Variants in KCNMB2 observed in about 807,000 individuals in gnomAD.
KCNMB2 encodes the protein calcium-activated potassium channel subunit beta-2.
KCNMB2 carries 9 observed loss-of-function variants against 24.5 expected under a neutral mutation model. That is an observed-to-expected ratio of 0.37 (90% CI 0.22 to 0.64). The LOEUF (loss-of-function observed/expected upper bound fraction) is 0.64. Among genes scored for constraint, KCNMB2 ranks in the 30% least tolerant of loss-of-function variants. The probability of loss-of-function intolerance (pLI) is 0.63; values close to 1 mark genes in which losing one functional copy is unlikely to be tolerated. For missense variants in KCNMB2, 226 were observed against 284.3 expected, an observed-to-expected ratio of 0.79 and a Z score of 1.47; for synonymous variants, 109 against 104.4, an observed-to-expected ratio of 1.04 and a Z score of -0.27.
intron 1 of KCNMB2, among the ~76,000 whole-genome samples, chr3:178,689,320 C>T (rs902220460): frequency 1.3e-5 from 2 of 152,000 alleles, no homozygotes; most frequent in Non-Finnish European, 2.9e-5. Flanking sequence ...CAGCTAGAAC[C>T]GCCTTGCATT....
At chr3:178,754,191 C>CACACACAT (rs1418868783) in intron 1 of KCNMB2, among the ~76,000 whole-genome samples, 3 of 68,076 alleles carry the variant, frequency 4.4e-5, no homozygotes, top group Admixed American at 1.4e-4. Context: ...CACACACACA[C>CACACACAT]ATACATATAT....
chr3:178,578,892 C>G (rs1458361634), intron 1 of KCNMB2, among the ~76,000 whole-genome samples: 1 of 152,128 alleles, frequency 6.6e-6, no homozygotes, highest in African/African-American at 2.4e-5. Context: ...TAGAGACCTA[C>G]AAAGAGACTA....
chr3:178,680,359 C>CA (rs1675751838), intron 1 of KCNMB2, among the ~76,000 whole-genome samples: 1 of 152,188 alleles, frequency 6.6e-6, no homozygotes, highest in Non-Finnish European at 1.5e-5. Context: ...GCTCCAGCTA[C>CA]ACTTACAGCT....
intron 1 of KCNMB2, among the ~76,000 whole-genome samples, chr3:178,648,750 A>G (rs140962839): frequency 7.9e-5 from 12 of 152,326 alleles, no homozygotes; most frequent in Admixed American, 6.5e-5. Context: ...CATCAACTCC[A>G]TATAAGTCTG....
At chr3:178,731,817 C>A (rs1230949312) in intron 1 of KCNMB2, among the ~76,000 whole-genome samples, 2 of 152,184 alleles carry the variant, frequency 1.3e-5, no homozygotes, top group East Asian at 1.9e-4. Context: ...GCAGGAGAAT[C>A]GCTTGATCCC....
At chr3:178,703,059 T>C (rs904877201) in intron 1 of KCNMB2, among the ~76,000 whole-genome samples, 9 of 152,024 alleles carry the variant, frequency 5.9e-5, no homozygotes, top group East Asian at 1.9e-4. Flanking sequence ...AGTTTTAAGA[T>C]AGTCAAGAAA....
At chr3:178,692,247 A>G (rs1439245923) in intron 1 of KCNMB2, among the ~76,000 whole-genome samples, 2 of 152,142 alleles carry the variant, frequency 1.3e-5, no homozygotes, top group Non-Finnish European at 2.9e-5. Flanking sequence ...CTTTAATTTA[A>G]TTAGATCTCA....
intron 1 of KCNMB2, among the ~76,000 whole-genome samples, chr3:178,623,201 G>A (rs1718983488): frequency 6.6e-6 from 1 of 152,206 alleles, no homozygotes; most frequent in Admixed American, 6.5e-5. Flanking sequence ...CCCTAGAGGG[G>A]CAGCAGTATC....
chr3:178,591,469 C>G (rs1253781614), intron 1 of KCNMB2, among the ~76,000 whole-genome samples: 1 of 152,152 alleles, frequency 6.6e-6, no homozygotes, highest in Non-Finnish European at 1.5e-5. Flanking sequence ...AAACTTCTCT[C>G]CTGCTTGTCC....
chr3:178,574,117 C>G (rs1275522675), intron 1 of KCNMB2, among the ~76,000 whole-genome samples: 1 of 152,042 alleles, frequency 6.6e-6, no homozygotes, highest in Non-Finnish European at 1.5e-5. Flanking sequence ...CCAAGAAGGA[C>G]AGTTGAATTA....
intron 1 of KCNMB2, among the ~76,000 whole-genome samples, chr3:178,776,452 C>T (rs1012111685): frequency 6.6e-6 from 1 of 152,174 alleles, no homozygotes; most frequent in Non-Finnish European, 1.5e-5. Flanking sequence ...CTAATTTATC[C>T]TCAACATTAC....
At chr3:178,577,365 G>C (rs993343036) in intron 1 of KCNMB2, among the ~76,000 whole-genome samples, 1 of 152,098 alleles carries the variant, frequency 6.6e-6, no homozygotes, top group Non-Finnish European at 1.5e-5. Flanking sequence ...CCATCCGAAG[G>C]TCACCAATAT....
intron 1 of KCNMB2, among the ~76,000 whole-genome samples, chr3:178,539,318 G>A (rs1412997720): frequency 1.3e-5 from 2 of 152,052 alleles, no homozygotes; most frequent in Admixed American, 1.3e-4. Context: ...ATGCATATGT[G>A]TGTATGAAAA....
rs112182669 is a variant in KCNMB2 at position 178,689,102 on chromosome 3, C to T, written c.-67-118241C>T. ...TAAACAAAGTTAGCATTCAGAAAAT[C>T]TTGAGTCTAAAGAAAATATTGTTGT... On this transcript the variant is annotated intron_variant, in intron 1 of 4. Coordinates refer to ENST00000452583, the MANE Select transcript of KCNMB2 (RefSeq NM_181361.3). 1.7e-3 allele frequency among the ~76,000 whole-genome samples: 253 copies of T among 152,132 alleles called. 1 individual carries two copies. Among genetic ancestry groups the T allele is most frequent in the African/African-American group, 5.8e-3 (242 of 41,498 alleles).
chr3:178,829,907 T>C (rs761017118), intron 4 of KCNMB2, among the ~76,000 whole-genome samples: 3 of 152,120 alleles, frequency 2.0e-5, no homozygotes, highest in Admixed American at 6.5e-5. Flanking sequence ...TTAAAGTAAA[T>C]TATAACATAC....
At chr3:178,715,825 T>C (rs1242369583) in intron 1 of KCNMB2, among the ~76,000 whole-genome samples, 1 of 152,148 alleles carries the variant, frequency 6.6e-6, no homozygotes, top group Non-Finnish European at 1.5e-5. Context: ...CCTTTCATGG[T>C]AGGATGACAA....
intron 1 of KCNMB2, among the ~76,000 whole-genome samples, chr3:178,557,032 G>A (rs1297633989): frequency 2.6e-5 from 4 of 152,190 alleles, no homozygotes; most frequent in Admixed American, 1.3e-4. Flanking sequence ...AGGTTTGAGG[G>A]AAGGAGCCAG....
chr3:178,601,115 G>T (rs1718066790), intron 1 of KCNMB2, among the ~76,000 whole-genome samples: 1 of 143,064 alleles, frequency 7.0e-6, no homozygotes, highest in South Asian at 2.2e-4. Flanking sequence ...GACACCGCAT[G>T]TTCTCACTCA....
intron 1 of KCNMB2, among the ~76,000 whole-genome samples, chr3:178,568,621 G>A (rs1716614385): frequency 6.6e-6 from 1 of 151,876 alleles, no homozygotes; most frequent in South Asian, 2.1e-4. Context: ...AATGGTAAAA[G>A]GAAAGGGAGA....
Sources: allele counts gnomAD v4.1 joint callset (sites outside exome capture counted in the v4.1 genomes callset), GRCh38; gene constraint gnomAD v4.1.1; transcripts MANE v1.5; gene names NCBI Gene and HGNC (gene_info 2026-07-23, HGNC 2026-07-21).